Variants in ECHDC1 observed in about 807,000 individuals in gnomAD.
The protein encoded by ECHDC1 is ethylmalonyl-CoA decarboxylase.
A neutral mutation model predicts 29.7 loss-of-function variants in ECHDC1; 29 were observed. The observed-to-expected ratio is 0.98, with a 90% confidence interval of 0.73 to 1.33. The LOEUF is 1.33. Among genes scored for constraint, ECHDC1 ranks in the 40% most tolerant of loss-of-function variants. The probability of loss-of-function intolerance (pLI) is 0.00; values close to 1 mark genes in which losing one functional copy is unlikely to be tolerated. For missense variants in ECHDC1, 328 were observed against 350.0 expected (o/e 0.94, Z 0.50); for synonymous variants, 126 against 123.1 (o/e 1.02, Z -0.15).
At chr6:127,328,930 G>A (rs988772330) in intron 2 of ECHDC1, among the ~76,000 whole-genome samples, 4 of 152,124 alleles carry the variant, frequency 2.6e-5, no homozygotes, top group Non-Finnish European at 5.9e-5. Flanking sequence ...CGGAGGCTGA[G>A]GCAGGAGAAT....
At chr6:127,329,765 T>G in intron 2 of ECHDC1, 1 of 325,242 alleles carries the variant, frequency 3.1e-6, no homozygotes. Context: ...TTTTACCTTT[T>G]TTAAATTTTT....
At chr6:127,327,889 CT>C (rs1783510034) in intron 2 of ECHDC1, among the ~76,000 whole-genome samples, 1 of 152,200 alleles carries the variant, frequency 6.6e-6, no homozygotes, top group Admixed American at 6.5e-5. Context: ...TTTAGATATG[CT>C]TATCTTTGGT....
intron 3 of ECHDC1, among the ~76,000 whole-genome samples, chr6:127,325,646 T>C (rs1236312881): frequency 3.3e-5 from 5 of 152,080 alleles, no homozygotes; most frequent in African/African-American, 1.2e-4. Flanking sequence ...GACCAATCCC[T>C]GCCCATCCCC....
intron 5 of ECHDC1, among the ~76,000 whole-genome samples, chr6:127,306,351 C>T (rs1473431996): frequency 6.6e-6 from 1 of 152,070 alleles, no homozygotes; most frequent in African/African-American, 2.4e-5. Context: ...ACAATAATAG[C>T]TAGAGACTTC....
rs754181135 is a variant in ECHDC1, at chr6:127,318,403, T to C, written c.364-1901A>G. ...TATTTTTATTTTTATGCCTTAATTA[T>C]AGTACTTATAAATTGTGTTGTATGA... On this transcript the variant is annotated intron_variant, in intron 3 of 5. Transcript: ENST00000454859. 5.3e-5 allele frequency among the ~76,000 whole-genome samples: 8 copies of C among 152,246 alleles called. No individual in the cohort carries two copies. The South Asian group carries it at 1.0e-3, about 20-fold the overall frequency.
chr6:127,331,154 T>C, intron 1 of ECHDC1, 124 bp from the exon 2 acceptor site: 1 of 459,648 alleles, frequency 2.2e-6, no homozygotes, highest in Non-Finnish European at 3.6e-6. Context: ...CCCATTTCTT[T>C]TTTTTTTTTT....
rs150261945 is a variant in ECHDC1 at position 127,323,081 on chromosome 6, T to C, written c.363+3921A>G. Among the ~76,000 whole-genome samples the C allele has an allele frequency of 4.4e-4, 67 of 152,252 alleles. 2 individuals are homozygous for C. The highest frequency in any genetic ancestry group is 5.9e-5 in the Non-Finnish European group (4 of 67,984). On this transcript the variant is annotated intron_variant, in intron 3 of 5. Transcript: ENST00000454859. ...TTGCGTACAAAATTAATGAAAATAC[T>C]GTATAAAATTACCTCCAGGCTGTGT...
chr6:127,340,879 T>C (rs1309465127), intron 1 of ECHDC1, among the ~76,000 whole-genome samples: 1 of 152,174 alleles, frequency 6.6e-6, no homozygotes, highest in Non-Finnish European at 1.5e-5. Flanking sequence ...ACAACATATC[T>C]TCTGCTCTCA....
intron 5 of ECHDC1, among the ~76,000 whole-genome samples, chr6:127,310,206 C>A (rs1335328914): frequency 5.3e-5 from 8 of 152,012 alleles, no homozygotes; most frequent in Non-Finnish European, 1.2e-4. Context: ...ATAATAATAA[C>A]CTAATTATAC....
intron 1 of ECHDC1, among the ~76,000 whole-genome samples, chr6:127,336,836 G>A (rs1784464361): frequency 6.6e-6 from 1 of 152,180 alleles, no homozygotes; most frequent in Non-Finnish European, 1.5e-5. Flanking sequence ...CACTTTCTAA[G>A]TTATCACTCA....
At chr6:127,315,697 G>T in intron 4 of ECHDC1, 1 of 289,312 alleles carries the variant, frequency 3.5e-6, no homozygotes, top group Non-Finnish European at 7.0e-6. Flanking sequence ...ATAGGAAAAG[G>T]AGGTGAATAG....
At chr6:127,306,371 C>T (rs1781439985) in intron 5 of ECHDC1, among the ~76,000 whole-genome samples, 1 of 152,100 alleles carries the variant, frequency 6.6e-6, no homozygotes. Context: ...CAACACCCCA[C>T]GTTCAGCATT....
intron 2 of ECHDC1, among the ~76,000 whole-genome samples, chr6:127,330,079 G>T (rs1382137550): frequency 6.6e-6 from 1 of 152,164 alleles, no homozygotes; most frequent in Non-Finnish European, 1.5e-5. Flanking sequence ...AACTGAAAAG[G>T]AGAGATTACT....
intron 5 of ECHDC1, among the ~76,000 whole-genome samples, chr6:127,308,249 C>T (rs1781607144): frequency 6.6e-6 from 1 of 152,022 alleles, no homozygotes. Flanking sequence ...AAATCATCAA[C>T]AAAATACTAG....
At chr6:127,311,322 G>A (rs1781880975) in intron 5 of ECHDC1, among the ~76,000 whole-genome samples, 1 of 152,114 alleles carries the variant, frequency 6.6e-6, no homozygotes, top group Non-Finnish European at 1.5e-5. Flanking sequence ...CTTTGAACAA[G>A]GCAGCCAAGT....
chr6:127,331,846 A>G, intron 1 of ECHDC1: 1 of 985,358 alleles, frequency 1.0e-6, no homozygotes, highest in Non-Finnish European at 1.2e-6. Flanking sequence ...CAAAGCTTTC[A>G]GGCAAAAAGC....
intron 5 of ECHDC1, among the ~76,000 whole-genome samples, chr6:127,301,528 TTAAAA>T (rs1781055107): frequency 6.6e-6 from 1 of 152,170 alleles, no homozygotes; most frequent in South Asian, 2.1e-4. Flanking sequence ...TAGGAAATAA[TTAAAA>T]TAATCTGTCA....
intron 5 of ECHDC1, among the ~76,000 whole-genome samples, chr6:127,301,561 G>A (rs935888246): frequency 2.0e-5 from 3 of 152,164 alleles, no homozygotes; most frequent in Non-Finnish European, 4.4e-5. Context: ...TAACTGATGA[G>A]GTACTGATAA....
intron 5 of ECHDC1, among the ~76,000 whole-genome samples, chr6:127,294,952 A>ATT (rs796132032): frequency 9.8e-5 from 14 of 143,132 alleles, no homozygotes; most frequent in Admixed American, 4.2e-4. Flanking sequence ...TGAAGCCAGT[A>ATT]TTTTTTTTTT....
Sources: allele counts gnomAD v4.1 joint callset (sites outside exome capture counted in the v4.1 genomes callset), GRCh38; gene constraint gnomAD v4.1.1; transcripts MANE v1.5; gene names NCBI Gene and HGNC (gene_info 2026-07-23, HGNC 2026-07-21).